Variants in CD163 observed in about 807,000 individuals in gnomAD.
The protein encoded by CD163 is scavenger receptor cysteine-rich type 1 protein M130.
Under a neutral mutation model 129.2 loss-of-function variants are expected in CD163, and 64 were observed. The observed-to-expected ratio is 0.50, with a 90% CI of 0.41 to 0.61. CD163 has a LOEUF of 0.61. Ranked by LOEUF, CD163 falls within the 20% of genes least tolerant of loss-of-function variation. The probability of loss-of-function intolerance (pLI) is 0.00; values close to 1 mark genes in which losing one functional copy is unlikely to be tolerated. For missense variants in CD163, 1,061 were observed against 1,377.9 expected, an observed-to-expected ratio of 0.77 and a Z score of 3.64; for synonymous variants, 446 against 478.5, an observed-to-expected ratio of 0.93 and a Z score of 0.89.
rs2136698510 is a variant in CD163 at position 7,483,133 on chromosome 12, G to A, written c.3089-129C>T. 5 of 956,948 alleles carry A rather than the reference G, an allele frequency of 5.2e-6. No individual in the cohort carries two copies. The South Asian group carries it at 7.9e-5, about 15-fold the overall frequency. The allele number at this position is 956,948 out of a possible 1,614,324, so 59.3% of individuals were successfully genotyped here. ...TGACTCTTTCCCACCTAAAACTAGA[G>A]TCCTCTAGTCTTTCTTTCTCTGCAC... On this transcript the variant is annotated intron_variant, in intron 12 of 16. Coordinates refer to ENST00000432237, the MANE Select transcript of CD163 (RefSeq NM_203416.4).
At chr12:7,492,697 A>G (rs1592005724) in intron 6 of CD163, among the ~76,000 whole-genome samples, 2 of 152,108 alleles carry the variant, frequency 1.3e-5, no homozygotes, top group Non-Finnish European at 2.9e-5. Flanking sequence ...AAATGGGAGG[A>G]GAAATATCAA....
chr12:7,498,113 G>A (rs751908223), intron 4 of CD163, among the ~76,000 whole-genome samples: 7 of 150,078 alleles, frequency 4.7e-5, no homozygotes, highest in Admixed American at 6.6e-5. Context: ...TTGAATGGAA[G>A]TTCCTTTATT....
rs751876611 is a variant in CD163 at position 7,501,199 on chromosome 12, C to G, written c.397G>C (p.Asp133His). The change falls in exon 3 of 17, where the codon GAT (aspartate) becomes CAT (histidine). Residue 133 changes from aspartate (D) to histidine (H), a missense_variant. Asp to His is a moderately conservative substitution (Grantham distance 81, BLOSUM62 -1). Coordinates refer to ENST00000432237, the MANE Select transcript of CD163 (RefSeq NM_203416.4). ...CAGTTACTATGCTTTCCCCATCCAT[C>G]ATGTTTGCAATCCCAAAGAGCTGAC... ...NESALWDCKH[D>H]GWGKHSNCTH... 1 of 1,614,080 alleles carries G rather than the reference C, an allele frequency of 6.2e-7. No individual in the cohort carries two copies. Among genetic ancestry groups the G allele is most frequent in the Non-Finnish European group, 8.5e-7 (1 of 1,180,044 alleles).
rs752761728 is a variant in CD163 at position 7,487,344 on chromosome 12, C to T, written c.2050+15G>A. 6 of 1,548,870 alleles carry T rather than the reference C, an allele frequency of 3.9e-6. No individual in the cohort carries two copies. The African/African-American group carries it at 4.1e-5, about 11-fold the overall frequency. On this transcript the variant is annotated intron_variant, in intron 8 of 16. Transcript: ENST00000432237. The surrounding 1 kb of genome is among the most constrained non-coding windows in gnomAD (Gnocchi z 5.1). ...TCTCTTAAGACCCATCACTGGCTGC[C>T]CGTCATCCTCTTACCTGAGCAGATT... is the stretch of plus-strand genomic sequence containing the variant.
At position 7,482,692 on chromosome 12, in the gene CD163, G is replaced by A. The variant is rs746056241; in HGVS notation, c.3198C>T (p.Val1066=). The A allele has an allele frequency of 3.1e-5, 50 of 1,613,966 alleles. No homozygotes were observed. The highest frequency in any genetic ancestry group is 4.0e-5 in the Non-Finnish European group (47 of 1,179,994). The change falls in exon 14 of 17, where the codon GTC becomes GTT. Residue 1066 remains valine (V), a synonymous_variant. Coordinates refer to ENST00000432237, the MANE Select transcript of CD163 (RefSeq NM_203416.4). ...ILGVVLLAIF[V]ALFFLTKKRR... is the part of the protein sequence containing the mutation. The stretch of plus-strand genomic sequence containing the variant: ...GCTTTTTAGTCAAGAAGAATAATGC[G>A]ACGAAAATGGCCAACAGAACAACCC...
intron 1 of CD163, among the ~76,000 whole-genome samples, chr12:7,503,153 G>A (rs975237186): frequency 2.0e-5 from 3 of 152,048 alleles, no homozygotes; most frequent in East Asian, 3.9e-4. Flanking sequence ...ATCTCTACCT[G>A]TATCCTTATC....
rs202066484 is a variant in CD163, at chr12:7,485,293, C to T, written c.2582G>A (p.Gly861Asp). 2.5e-6 allele frequency: 4 copies of T among 1,614,178 alleles called. No homozygotes were observed. Residue 861 changes from glycine to aspartate, a missense_variant, in exon 11 of 17, where the codon GGT becomes GAT. Coordinates refer to ENST00000432237, the MANE Select transcript of CD163 (RefSeq NM_203416.4). The surrounding 1 kb of genome is among the most constrained non-coding windows in gnomAD (Gnocchi z 4.5). ...ACAGCCCAGCTGCCTGCACACCACA[C>T]CCACAGTGGTTTCAGACATGCTACT... ...GKSSMSETTV[G>D]VVCRQLGCAD...
chr12:7,503,712 T>A lies in CD163; in HGVS notation c.-22A>T. 2 of 1,503,258 alleles carry A rather than the reference T, an allele frequency of 1.3e-6. No individual in the cohort carries two copies. The highest frequency in any genetic ancestry group is 1.8e-6 in the Non-Finnish European group (2 of 1,085,560). 93.1% of individuals were successfully genotyped at this position (1,503,258 alleles called of 1,614,324 possible). A position where few individuals can be genotyped will look rare whatever the true frequency, so the allele number is the denominator to read the frequency against. On this transcript the variant is annotated 5_prime_UTR_variant, in exon 1 of 17. Coordinates refer to ENST00000432237, the MANE Select transcript of CD163 (RefSeq NM_203416.4). ...TCATTCCAAAGATTTATAACTTCAA[T>A]GATTCCTAAATCTTCTTGTATTATT...
At chr12:7,474,980 A>C (rs1949064823) in intron 16 of CD163, among the ~76,000 whole-genome samples, 1 of 151,896 alleles carries the variant, frequency 6.6e-6, no homozygotes, top group Non-Finnish European at 1.5e-5. Flanking sequence ...ATCTAAAAGA[A>C]ATGGATAAAT....
intron 14 of CD163, among the ~76,000 whole-genome samples, 161 bp downstream of exon 14, chr12:7,482,482 G>C (rs1203328152): frequency 6.6e-6 from 1 of 152,142 alleles, no homozygotes; most frequent in Non-Finnish European, 1.5e-5. Flanking sequence ...GGGATTACAA[G>C]TGTGAGCCAC....
chr12:7,479,239 A>G (rs908036235), intron 16 of CD163, among the ~76,000 whole-genome samples: 19 of 152,104 alleles, frequency 1.2e-4, no homozygotes, highest in African/African-American at 4.3e-4. Flanking sequence ...TTAAACAATC[A>G]TGTCTTTGCC....
At position 7,503,679 on chromosome 12, in the gene CD163, G is replaced by T; in HGVS notation, c.12C>A (p.Leu4=). 1 of 1,599,332 alleles carries T rather than the reference G, an allele frequency of 6.3e-7. No homozygotes were observed. Residue 4 remains leucine, a synonymous_variant, in exon 1 of 17, where the codon CTC becomes CTA. Transcript: ENST00000432237. Reference sequence around the variant, plus strand: ...CAGAGTCTTCAAGTAGCACCATTCTGAGTTTGCTCATTCCAAAGATTTATA... The same window carrying T: ...CAGAGTCTTCAAGTAGCACCATTCTTAGTTTGCTCATTCCAAAGATTTATA... MSK[L]RMVLLEDSGS...
Position 7,485,091 on chromosome 12 carries a change from C to T in CD163, c.2779+5G>A. On this transcript the variant is annotated splice_donor_5th_base_variant and intron_variant, in intron 11 of 16. Transcript: ENST00000432237. This position sits in a 1 kb window ranked among gnomAD's most constrained non-coding sequence, Gnocchi z 4.5. The stretch of plus-strand genomic sequence containing the variant: ...GAATTTTCATATAGGTCGATGGATA[C>T]TCACTGTCACATGTGATCCAGGTCT... 2.5e-6 allele frequency: 4 copies of T among 1,588,474 alleles called. No homozygotes were observed. The highest frequency in any genetic ancestry group is 3.4e-6 in the Non-Finnish European group (4 of 1,165,434).
At chr12:7,498,144 C>A (rs1949427752) in intron 4 of CD163, among the ~76,000 whole-genome samples, 2 of 151,010 alleles carry the variant, frequency 1.3e-5, no homozygotes, top group Admixed American at 6.6e-5. Flanking sequence ...CACACACACA[C>A]ACAGAGAGAG....
intron 16 of CD163, among the ~76,000 whole-genome samples, chr12:7,476,573 T>C (rs1238286522): frequency 1.3e-5 from 2 of 152,122 alleles, no homozygotes; most frequent in African/African-American, 4.8e-5. Flanking sequence ...TTACACCGTA[T>C]ACAAAAATTA....
chr12:7,502,583 G>A lies in CD163; in HGVS notation c.47-19C>T, dbSNP rs1419122681. On this transcript the variant is annotated intron_variant, in intron 1 of 16. Coordinates refer to ENST00000432237, the MANE Select transcript of CD163 (RefSeq NM_203416.4). ...CTGAAGTCTGTGAAAAAGAAAAGAG[G>A]GCAAAAGTAGCATCTTCCCAAAAAG... is the stretch of plus-strand genomic sequence containing the variant. The A allele has an allele frequency of 7.8e-6, 10 of 1,277,864 alleles. No individual in the cohort carries two copies. In the Admixed American group the frequency reaches 1.6e-4, roughly 20 times the overall value. 79.2% of individuals were successfully genotyped at this position (1,277,864 alleles called of 1,614,324 possible).
Position 7,501,311 on chromosome 12 carries a change from T to C in CD163, c.285A>G (p.Pro95=), listed in dbSNP as rs763396735. 1.4e-5 allele frequency: 23 copies of C among 1,614,060 alleles called. No homozygotes were observed. In the East Asian group the frequency reaches 5.1e-4, roughly 36 times the overall value. ...VSVICNQLGC[P]TAIKAPGWAN... is the part of the protein sequence containing the mutation. ...CCCATCCAGGGGCTTTGATAGCAGT[T>C]GGACATCCCAGCTGGTTACAAATCA... is the stretch of plus-strand genomic sequence containing the variant. Residue 95 remains proline (P), a synonymous_variant, in exon 3 of 17, where the codon CCA becomes CCG. Transcript: ENST00000432237.
Position 7,502,458 on chromosome 12 carries a change from A to G in CD163, c.133+20T>C. On this transcript the variant is annotated intron_variant, in intron 2 of 16. Coordinates refer to ENST00000432237, the MANE Select transcript of CD163 (RefSeq NM_203416.4). ...GTCAGAGTGGGCTAAGGCTGTAAGT[A>G]AATTTGACAAAGTACTCACCAAGAG... 1 of 1,503,922 alleles carries G rather than the reference A, an allele frequency of 6.6e-7. No individual in the cohort carries two copies. 93.2% of individuals were successfully genotyped at this position (1,503,922 alleles called of 1,614,324 possible). A position where few individuals can be genotyped will look rare whatever the true frequency, so the allele number is the denominator to read the frequency against.
chr12:7,498,851 C>T lies in CD163; in HGVS notation c.778+17G>A. 1 of 1,605,098 alleles carries T rather than the reference C, an allele frequency of 6.2e-7. No homozygotes were observed. Among genetic ancestry groups the T allele is most frequent in the Non-Finnish European group, 8.5e-7 (1 of 1,174,400 alleles). ...GTCCTCTCCTGGAGAATAGAATGAG[C>T]CAAGATCAGTCCTTACTTGAGCAAA... is the stretch of plus-strand genomic sequence containing the variant. On this transcript the variant is annotated intron_variant, in intron 4 of 16. Transcript: ENST00000432237.
Sources: allele counts gnomAD v4.1 joint callset (sites outside exome capture counted in the v4.1 genomes callset), GRCh38; gene constraint gnomAD v4.1.1; non-coding constraint Gnocchi (gnomAD v3.1); transcripts MANE v1.5; gene names NCBI Gene and HGNC (gene_info 2026-07-23, HGNC 2026-07-21).